Variants in PIWIL4 observed in about 807,000 individuals in gnomAD.
PIWIL4 encodes the protein piwi-like protein 4.
A neutral mutation model predicts 100.9 loss-of-function variants in PIWIL4; 50 were observed. The observed-to-expected ratio is 0.50, with a 90% confidence interval of 0.39 to 0.63. PIWIL4 has a LOEUF of 0.63. Ranked by LOEUF, PIWIL4 falls within the 20% of genes least tolerant of loss-of-function variation. The pLI, the probability that PIWIL4 is intolerant of heterozygous loss-of-function variation, is 0.00. For missense variants in PIWIL4, 887 were observed against 1,043.3 expected (o/e 0.85, Z 2.06); for synonymous variants, 342 against 367.5 (o/e 0.93, Z 0.79).
intron 5 of PIWIL4, among the ~76,000 whole-genome samples, 170 bp downstream of exon 5, chr11:94,583,739 C>G (rs1466165019): frequency 6.6e-6 from 1 of 152,140 alleles, no homozygotes; most frequent in African/African-American, 2.4e-5. Flanking sequence ...GCAATGCAGC[C>G]CATTACAGCC....
chr11:94,573,922 CT>C (rs1399866218), intron 2 of PIWIL4, among the ~76,000 whole-genome samples: 1 of 152,146 alleles, frequency 6.6e-6, no homozygotes, highest in Non-Finnish European at 1.5e-5. Context: ...CCATTCCCCC[CT>C]CCCTCCAGCT....
At chr11:94,606,825 C>A (rs1948725526) in intron 13 of PIWIL4, among the ~76,000 whole-genome samples, 2 of 146,336 alleles carry the variant, frequency 1.4e-5, no homozygotes. Flanking sequence ...CAGTGTGAGA[C>A]TCTGTCTCAA....
chr11:94,581,251 G>C (rs1225022780), intron 4 of PIWIL4, among the ~76,000 whole-genome samples: 3 of 152,104 alleles, frequency 2.0e-5, no homozygotes, highest in Non-Finnish European at 2.9e-5. Flanking sequence ...CACCCTTGGG[G>C]CCTAGTGAGG....
At chr11:94,584,676 A>G (rs1365541204) in intron 5 of PIWIL4, among the ~76,000 whole-genome samples, 4 of 152,254 alleles carry the variant, frequency 2.6e-5, no homozygotes, top group African/African-American at 9.6e-5. Context: ...TGAAACCCCC[A>G]TGTAGGTCAA....
intron 3 of PIWIL4, among the ~76,000 whole-genome samples, chr11:94,576,876 T>C (rs1001854021): frequency 1.3e-5 from 2 of 152,368 alleles, no homozygotes; most frequent in South Asian, 4.1e-4. Context: ...TGTATATTCA[T>C]AGTAAGAACC....
chr11:94,608,400 CTTCT>C (rs1948748631), intron 14 of PIWIL4, 179 bp from the exon 15 acceptor site: 5 of 563,430 alleles, frequency 8.9e-6, no homozygotes, highest in African/African-American at 5.7e-5. Context: ...TTCTTCCTGC[CTTCT>C]TTAAGTCTCT....
Position 94,620,029 on chromosome 11 carries a change from G to A in PIWIL4, c.2327G>A (p.Cys776Tyr). 1.2e-6 allele frequency: 2 copies of A among 1,614,124 alleles called. No individual in the cohort carries two copies. The highest frequency in any genetic ancestry group is 8.5e-7 in the Non-Finnish European group (1 of 1,180,022). Residue 776 changes from cysteine to tyrosine, a missense_variant, in exon 19 of 20, where the codon TGC becomes TAC. Physicochemically the swap from Cys to Tyr is radical, Grantham distance 194. Around this residue, in one of 2 missense-constraint regions of PIWIL4, gnomAD observed 741 missense variants for 930.0 expected, o/e 0.80. Transcript: ENST00000299001. ...TTTTATCTGATCAGCCAGGTGGCCT[G>A]CCGGGGAACTGTTAGTCCTACCTAC... ...YDFYLISQVACRGTVSPTYYN... is the reference protein window; with the variant it reads ...YDFYLISQVAYRGTVSPTYYN...
chr11:94,618,605 C>G (rs1486557818), intron 17 of PIWIL4, among the ~76,000 whole-genome samples: 3 of 152,156 alleles, frequency 2.0e-5, no homozygotes, highest in African/African-American at 4.8e-5. Context: ...ATCCTGAACA[C>G]CAGGCTTCTT....
At chr11:94,583,323 A>G in intron 4 of PIWIL4, 125 bp from the exon 5 acceptor site, 1 of 1,029,340 alleles carries the variant, frequency 9.7e-7, no homozygotes, top group Non-Finnish European at 1.4e-6. Context: ...TTAGATTATT[A>G]CTCATACTAA....
chr11:94,598,705 C>CTT lies in PIWIL4; in HGVS notation c.1380+810_1380+811dup, dbSNP rs769342028. On this transcript the variant is annotated intron_variant, in intron 11 of 19. Transcript: ENST00000299001. ...GTAGAATGGGGGGAATTTTTTCCATCTTTTTTTTTTTTTTTTTTTTTGAGA... is the reference window on the plus strand; with the variant it reads ...GTAGAATGGGGGGAATTTTTTCCATCTTTTTTTTTTTTTTTTTTTTTTTGAGA... Among the ~76,000 whole-genome samples the CTT allele has an allele frequency of 3.1e-3, 346 of 110,028 alleles. 6 individuals carry two copies. The highest frequency in any genetic ancestry group is 7.2e-3 in the African/African-American group (201 of 28,048). The allele number at this position is 110,028 out of a possible 152,430, so 72.2% of individuals were successfully genotyped here. A position where few individuals can be genotyped will look rare whatever the true frequency, so the allele number is the denominator to read the frequency against.
chr11:94,583,169 C>T (rs1368885804), intron 4 of PIWIL4, among the ~76,000 whole-genome samples: 2 of 141,082 alleles, frequency 1.4e-5, no homozygotes, highest in Non-Finnish European at 3.2e-5. Flanking sequence ...AGAACCACTG[C>T]TCTGGAACTC....
Position 94,620,017 on chromosome 11 carries a change from G to C in PIWIL4, c.2315G>C (p.Ser772Thr), listed in dbSNP as rs1167527896. Reference sequence around the variant, plus strand: ...CTCAGGTATGACTTTTATCTGATCAGCCAGGTGGCCTGCCGGGGAACTGTT... The same window carrying C: ...CTCAGGTATGACTTTTATCTGATCACCCAGGTGGCCTGCCGGGGAACTGTT... ...RNEWYDFYLISQVACRGTVSP... is the reference protein window; with the variant it reads ...RNEWYDFYLITQVACRGTVSP... The change falls in exon 19 of 20, where the codon AGC becomes ACC. Residue 772 changes from serine to threonine, a missense_variant. By Grantham distance (58) the Ser-to-Thr change is moderately conservative. Transcript: ENST00000299001. 6.2e-7 allele frequency: 1 copy of C among 1,614,054 alleles called. No homozygotes were observed. The highest frequency in any genetic ancestry group is 8.5e-7 in the Non-Finnish European group (1 of 1,180,014).
At chr11:94,595,227 G>C in intron 9 of PIWIL4, 82 bp from the exon 10 acceptor site, 4 of 1,101,150 alleles carry the variant, frequency 3.6e-6, no homozygotes, top group Non-Finnish European at 5.4e-6. Flanking sequence ...ATGCATTCAA[G>C]TGGAAAGGTT....
chr11:94,603,756 G>C (rs2135286403), intron 12 of PIWIL4, among the ~76,000 whole-genome samples: 1 of 152,224 alleles, frequency 6.6e-6, no homozygotes, highest in East Asian at 1.9e-4. Flanking sequence ...GAGAAGATCT[G>C]ATTTTCTACC....
intron 15 of PIWIL4, among the ~76,000 whole-genome samples, chr11:94,614,628 TTC>T (rs1948826148): frequency 6.6e-6 from 1 of 152,218 alleles, no homozygotes; most frequent in Non-Finnish European, 1.5e-5. Context: ...TTTTTCATGT[TTC>T]TTGAAGTTTT....
Position 94,602,025 on chromosome 11 carries a change from A to G in PIWIL4, c.1565+46A>G, listed in dbSNP as rs748848275. Reference sequence around the variant, plus strand: ...GTTCATATATTAATTTGGTTTGGTTAGAAGGTAGGGAATAATGGCAGATGT... The same window carrying G: ...GTTCATATATTAATTTGGTTTGGTTGGAAGGTAGGGAATAATGGCAGATGT... On this transcript the variant is annotated intron_variant, in intron 12 of 19. Coordinates refer to ENST00000299001, the MANE Select transcript of PIWIL4 (RefSeq NM_152431.3). 3.2e-6 allele frequency: 5 copies of G among 1,543,830 alleles called. No individual in the cohort carries two copies. In the East Asian group the frequency reaches 1.1e-4, roughly 35 times the overall value.
At chr11:94,612,826 C>A (rs537280515) in intron 15 of PIWIL4, among the ~76,000 whole-genome samples, 1 of 152,052 alleles carries the variant, frequency 6.6e-6, no homozygotes. Context: ...TACTTTCTCC[C>A]CTACATTTTA....
At chr11:94,599,661 A>T (rs1321683205) in intron 11 of PIWIL4, among the ~76,000 whole-genome samples, 3 of 152,184 alleles carry the variant, frequency 2.0e-5, no homozygotes, top group Admixed American at 6.5e-5. Flanking sequence ...CAGCCCAGCC[A>T]GTGGAAGGCA....
At chr11:94,591,095 A>T (rs1295260824) in intron 8 of PIWIL4, among the ~76,000 whole-genome samples, 1 of 152,220 alleles carries the variant, frequency 6.6e-6, no homozygotes, top group African/African-American at 2.4e-5. Flanking sequence ...CTTTGTGAGC[A>T]CTGGGAGAAC....
Sources: gnomAD v4.1 joint callset for allele counts (sites outside exome capture counted in the v4.1 genomes callset) on GRCh38, gnomAD v4.1.1 for gene constraint, gnomAD v4.1.1 regional missense constraint, MANE v1.5 for transcripts, NCBI Gene and HGNC (gene_info 2026-07-23, HGNC 2026-07-21) for gene names.